The following ADCY9 variants were observed in gnomAD, a reference collection of about 807,000 sequenced individuals.
ADCY9 encodes the protein adenylate cyclase 9.
Under a neutral mutation model 101.5 loss-of-function variants are expected in ADCY9, and 50 were observed. The ratio of observed to expected loss-of-function variants is 0.49; its 90% confidence interval spans 0.39 to 0.62. The LOEUF is 0.62. Among genes scored for constraint, ADCY9 ranks in the 20% least tolerant of loss-of-function variants. The pLI is 0.00. For missense variants in ADCY9, 1,662 were observed against 1,800.4 expected (o/e 0.92, Z 1.39); for synonymous variants, 905 against 769.3 (o/e 1.18, Z -2.92).
intron 7 of ADCY9, among the ~76,000 whole-genome samples, chr16:3,980,904 C>T (rs1325484048): frequency 6.6e-6 from 1 of 152,164 alleles, no homozygotes; most frequent in African/African-American, 2.4e-5. Context: ...CTCACGCCTG[C>T]TGGGGCAGAG....
Position 3,966,218 on chromosome 16 carries a change from G to A in ADCY9, c.3619C>T (p.Gln1207Ter), listed in dbSNP as rs747992457. Residue 1207 changes from glutamine to a stop codon, truncating the protein, a stop_gained, in exon 11 of 11, where the codon CAG becomes TAG. Transcript: ENST00000294016. LOFTEE classifies it high-confidence loss of function. ...MDTTGVECRI[Q>*]VSEESYRVLS... Reference sequence around the variant, plus strand: ...ACGCGGTAGCTCTCTTCGCTCACCTGGATGCGGCACTCCACGCCGGTGGTG... The same window carrying A: ...ACGCGGTAGCTCTCTTCGCTCACCTAGATGCGGCACTCCACGCCGGTGGTG... The A allele has an allele frequency of 1.2e-6, 2 of 1,614,222 alleles. No homozygotes were observed. Among genetic ancestry groups the A allele is most frequent in the Non-Finnish European group, 1.7e-6 (2 of 1,180,038 alleles).
At chr16:4,044,489 T>G (rs1447502463) in intron 2 of ADCY9, among the ~76,000 whole-genome samples, 8 of 152,150 alleles carry the variant, frequency 5.3e-5, no homozygotes, top group Non-Finnish European at 1.2e-4. Flanking sequence ...AAAAAAAGGC[T>G]TCCCATATAG....
intron 2 of ADCY9, among the ~76,000 whole-genome samples, chr16:4,088,286 T>A: frequency 6.6e-6 from 1 of 151,930 alleles, no homozygotes; most frequent in Non-Finnish European, 1.5e-5. Flanking sequence ...AAATGAAGAT[T>A]CTGGTTTGTT....
At chr16:4,074,716 C>CAAAAAAAAAA (rs55742993) in intron 2 of ADCY9, among the ~76,000 whole-genome samples, 1 of 100,422 alleles carries the variant, frequency 1.0e-5, no homozygotes, top group African/African-American at 3.9e-5. Flanking sequence ...TACCCAGTGG[C>CAAAAAAAAAA]AAAAAAAAAA....
chr16:3,953,475 A>C (rs2055892274), exon 6 of ADCY9: 1 of 152,186 alleles, frequency 6.6e-6, no homozygotes. Context: ...CTGTGAACTG[A>C]AGGGAAACTT....
chr16:4,042,745 C>G (rs1050825740), intron 2 of ADCY9, among the ~76,000 whole-genome samples: 2 of 152,214 alleles, frequency 1.3e-5, no homozygotes, highest in African/African-American at 4.8e-5. Context: ...CCAACAGCCA[C>G]CTGGCGAACT....
intron 2 of ADCY9, among the ~76,000 whole-genome samples, chr16:4,087,011 T>A (rs1364336759): frequency 6.6e-6 from 1 of 151,952 alleles, no homozygotes; most frequent in African/African-American, 2.4e-5. Flanking sequence ...CTTCTTCAAA[T>A]CCTGCCATCC....
intron 2 of ADCY9, among the ~76,000 whole-genome samples, chr16:4,104,527 A>C (rs1051187356): frequency 5.3e-5 from 8 of 151,838 alleles, no homozygotes; most frequent in Non-Finnish European, 1.0e-4. Flanking sequence ...CAGAAGGATC[A>C]CTTGAGCCCA....
intron 2 of ADCY9, among the ~76,000 whole-genome samples, chr16:4,017,643 C>CAAAAAAAA (rs60693958): frequency 3.4e-5 from 3 of 87,264 alleles, no homozygotes; most frequent in African/African-American, 3.9e-5. Flanking sequence ...AACTCCTTCT[C>CAAAAAAAA]AAAAAAAAAA....
In ADCY9 at chr16:3,963,097, C is replaced by A. The variant is rs1442858134; in HGVS notation, c.*2678G>T. 4 of 120,534 alleles carry A rather than the reference C, an allele frequency of 3.3e-5. No individual in the cohort carries two copies. The highest frequency in any genetic ancestry group is 2.9e-4 in the East Asian group (1 of 3,500). The allele number at this position is 120,534 out of a possible 1,614,324, so 7.5% of individuals were successfully genotyped here. On this transcript the variant is annotated 3_prime_UTR_variant, in exon 11 of 11. Coordinates refer to ENST00000294016, the MANE Select transcript of ADCY9 (RefSeq NM_001116.4). ...GATAAAATTGTGTGTGCTTGTTTAC[C>A]ATATATATATATATATATATATATA... is the stretch of plus-strand genomic sequence containing the variant.
At chr16:4,048,655 T>C (rs868405752) in intron 2 of ADCY9, among the ~76,000 whole-genome samples, 17 of 152,052 alleles carry the variant, frequency 1.1e-4, no homozygotes, top group South Asian at 2.1e-4. Flanking sequence ...TGGCAAATAA[T>C]AGGAGACACA....
chr16:3,998,911 G>A (rs1272114789), intron 3 of ADCY9, among the ~76,000 whole-genome samples: 5 of 151,894 alleles, frequency 3.3e-5, no homozygotes, highest in African/African-American at 1.2e-4. Flanking sequence ...ATGCAATGGT[G>A]GGTGGGTTTG....
chr16:3,988,894 G>C, intron 6 of ADCY9, 100 bp downstream of exon 6: 1 of 889,238 alleles, frequency 1.1e-6, no homozygotes, highest in South Asian at 1.4e-5. Context: ...GTTCGCCTTC[G>C]TGTTCCCATC....
rs1302793946 is a variant in ADCY9, at chr16:4,097,551, ATATTTTTTTT to A, written c.1693+16189_1693+16198del. On this transcript the variant is annotated intron_variant, in intron 2 of 10. Coordinates refer to ENST00000294016, the MANE Select transcript of ADCY9 (RefSeq NM_001116.4). ...TACATATATATATATATATATATATATATTTTTTTTTTTTTTTTTTAAGACAGAGTCTTGC... is the reference window on the plus strand; with the variant it reads ...TACATATATATATATATATATATATATTTTTTTTTTAAGACAGAGTCTTGC... 8.5e-3 allele frequency among the ~76,000 whole-genome samples: 436 copies of A among 51,030 alleles called. 12 individuals are homozygous for A. The highest frequency in any genetic ancestry group is 0.039 in the African/African-American group (361 of 9,240). 33.5% of individuals were successfully genotyped at this position (51,030 alleles called of 152,430 possible). A position where few individuals can be genotyped will look rare whatever the true frequency, so the allele number is the denominator to read the frequency against.
At chr16:3,961,903 G>A (rs13332171), downstream of ADCY9, among the ~76,000 whole-genome samples, 1 of 152,108 alleles carries the variant, frequency 6.6e-6, no homozygotes, top group Non-Finnish European at 1.5e-5. Context: ...GTATATGCCT[G>A]TAATCCCAGC....
Position 3,983,053 on chromosome 16 carries a change from C to T in ADCY9, c.2519+179G>A, listed in dbSNP as rs75223383. ...GGTGGTCCCCCCGCATCTGGGCCAA[C>T]GTCAGGGAGGGAGGATGCTGGGGCA... On this transcript the variant is annotated intron_variant, in intron 7 of 10. Coordinates refer to ENST00000294016, the MANE Select transcript of ADCY9 (RefSeq NM_001116.4). The T allele has an allele frequency of 6.1e-3, 3,962 of 651,944 alleles. 113 individuals carry two copies. In the African/African-American group the frequency reaches 0.065, roughly 11 times the overall value. 40.4% of individuals were successfully genotyped at this position (651,944 alleles called of 1,614,324 possible).
chr16:4,008,303 G>A (rs2056381048), intron 2 of ADCY9, among the ~76,000 whole-genome samples: 1 of 152,150 alleles, frequency 6.6e-6, no homozygotes, highest in Non-Finnish European at 1.5e-5. Flanking sequence ...GCGCTGGAAG[G>A]AGCTGTGAAC....
chr16:4,011,317 C>G (rs910656774), intron 2 of ADCY9, among the ~76,000 whole-genome samples: 12 of 152,146 alleles, frequency 7.9e-5, no homozygotes, highest in Non-Finnish European at 1.6e-4. Context: ...AGCCACAGCA[C>G]CTGTGCAGGG....
intron 2 of ADCY9, among the ~76,000 whole-genome samples, chr16:4,024,426 G>A (rs551461681): frequency 6.6e-6 from 1 of 152,196 alleles, no homozygotes; most frequent in Non-Finnish European, 1.5e-5. Context: ...CTCCTAACGT[G>A]AATGTCTTAT....
Sources: gnomAD v4.1 joint callset for allele counts (sites outside exome capture counted in the v4.1 genomes callset) on GRCh38, gnomAD v4.1.1 for gene constraint, MANE v1.5 for transcripts, NCBI Gene and HGNC (gene_info 2026-07-23, HGNC 2026-07-21) for gene names.